Variants in SAMD3 observed in about 807,000 individuals in gnomAD.
The protein encoded by SAMD3 is sterile alpha motif domain containing 3.
In SAMD3, 63 loss-of-function variants were observed where a neutral mutation model predicts 58.5. The observed-to-expected ratio is 1.08, with a 90% CI of 0.88 to 1.33. SAMD3 has a LOEUF of 1.33. SAMD3 is among the 40% of genes most tolerant of loss of function. SAMD3 has a pLI of 0.00. For synonymous variants in SAMD3, 220 were observed against 210.3 expected, an observed-to-expected ratio of 1.05 and a Z score of -0.40; for missense variants, 604 against 608.4, an observed-to-expected ratio of 0.99 and a Z score of 0.08.
At chr6:130,278,097 G>A (rs531788302) in intron 2 of SAMD3, among the ~76,000 whole-genome samples, 11 of 152,274 alleles carry the variant, frequency 7.2e-5, no homozygotes, top group African/African-American at 2.4e-4. Context: ...TAAGAGCAGT[G>A]CTTGAGATAG....
At chr6:130,207,748 A>G (rs1795205057) in intron 5 of SAMD3, among the ~76,000 whole-genome samples, 1 of 152,216 alleles carries the variant, frequency 6.6e-6, no homozygotes, top group Non-Finnish European at 1.5e-5. Flanking sequence ...ATAGCCTTCC[A>G]CCTTCTTGGT....
At chr6:130,241,070 A>T (rs1249632528) in intron 2 of SAMD3, among the ~76,000 whole-genome samples, 1 of 152,112 alleles carries the variant, frequency 6.6e-6, no homozygotes, top group Non-Finnish European at 1.5e-5. Flanking sequence ...TGGCCAAAGG[A>T]GGCAACAAGA....
chr6:130,146,229 A>G, intron 9 of SAMD3, 48 bp from the exon 10 acceptor site: 1 of 1,191,126 alleles, frequency 8.4e-7, no homozygotes, highest in Non-Finnish European at 1.1e-6. Context: ...AAGAAAAGCT[A>G]ATATATAGAA....
At chr6:130,247,666 A>G (rs1773597613) in intron 2 of SAMD3, among the ~76,000 whole-genome samples, 1 of 151,812 alleles carries the variant, frequency 6.6e-6, no homozygotes, top group Non-Finnish European at 1.5e-5. Context: ...CTGGTGCATA[A>G]GAGAACAAAG....
chr6:130,206,187 T>C (rs1057262522), intron 5 of SAMD3, among the ~76,000 whole-genome samples: 4 of 152,210 alleles, frequency 2.6e-5, no homozygotes, highest in African/African-American at 9.6e-5. Flanking sequence ...GGACACCTGA[T>C]TCACGCTGGG....
chr6:130,240,825 C>G (rs1773329997), intron 2 of SAMD3, among the ~76,000 whole-genome samples: 1 of 152,146 alleles, frequency 6.6e-6, no homozygotes, highest in African/African-American at 2.4e-5. Context: ...GTTCCTTGTT[C>G]TTAGACTTCC....
intron 1 of SAMD3, among the ~76,000 whole-genome samples, chr6:130,340,800 T>A (rs1417946344): frequency 6.6e-6 from 1 of 152,232 alleles, no homozygotes; most frequent in Non-Finnish European, 1.5e-5. Flanking sequence ...AACACCTTAG[T>A]GTGAGATTTC....
chr6:130,344,942 A>G (rs934269626), intron 1 of SAMD3, among the ~76,000 whole-genome samples: 1 of 139,396 alleles, frequency 7.2e-6, no homozygotes, highest in Non-Finnish European at 1.5e-5. Flanking sequence ...ACCCCCCTCC[A>G]TCTCCTCTAC....
intron 2 of SAMD3, among the ~76,000 whole-genome samples, chr6:130,286,687 T>C (rs1025317078): frequency 5.6e-4 from 78 of 138,512 alleles, no homozygotes; most frequent in African/African-American, 1.8e-3. Context: ...TTCTCCAAAA[T>C]TAATTTATCC....
chr6:130,208,139 C>T (rs144492703), intron 5 of SAMD3, among the ~76,000 whole-genome samples: 13 of 152,342 alleles, frequency 8.5e-5, no homozygotes, highest in Admixed American at 1.3e-4. Flanking sequence ...TGCAGTACTG[C>T]TCTGTGGGCA....
chr6:130,256,104 T>C (rs1773919490), intron 2 of SAMD3, among the ~76,000 whole-genome samples: 1 of 150,316 alleles, frequency 6.7e-6, no homozygotes, highest in Non-Finnish European at 1.5e-5. Flanking sequence ...AGTATAGACT[T>C]TTGCCATTCT....
chr6:130,205,365 G>A (rs1031918085), intron 5 of SAMD3, among the ~76,000 whole-genome samples: 15 of 152,004 alleles, frequency 9.9e-5, no homozygotes, highest in African/African-American at 3.4e-4. Flanking sequence ...GTGCAATGGA[G>A]TGATCTCAGC....
intron 7 of SAMD3, among the ~76,000 whole-genome samples, chr6:130,182,597 A>G (rs1311022485): frequency 1.3e-5 from 2 of 150,274 alleles, no homozygotes; most frequent in East Asian, 3.9e-4. Context: ...ACAAATAAGG[A>G]AGGAAGAAAG....
At chr6:130,204,472 C>T (rs142115200) in intron 5 of SAMD3, among the ~76,000 whole-genome samples, 2,077 of 152,092 alleles carry the variant, frequency 0.014, 18 homozygotes, top group Non-Finnish European at 0.021. Context: ...CAGTGTGTGG[C>T]AGTGCATGCC....
chr6:130,164,949 T>G (rs80111765), intron 8 of SAMD3, among the ~76,000 whole-genome samples: 2 of 152,020 alleles, frequency 1.3e-5, no homozygotes, highest in Non-Finnish European at 2.9e-5. Context: ...AATTATAAAC[T>G]TATATACACC....
chr6:130,224,938 T>A (rs1796346782), upstream of SAMD3, among the ~76,000 whole-genome samples: 1 of 152,068 alleles, frequency 6.6e-6, no homozygotes, highest in South Asian at 2.1e-4. Flanking sequence ...TTTTTAGAGT[T>A]GGCCCAAAAG....
At chr6:130,218,069 T>C (rs973991835) in intron 1 of SAMD3, among the ~76,000 whole-genome samples, 21 of 152,198 alleles carry the variant, frequency 1.4e-4, no homozygotes, top group African/African-American at 4.8e-4. Context: ...GGTGATAGTG[T>C]TGTAGGACTC....
In SAMD3 at chr6:130,344,821, A is replaced by G. The variant is rs13210150; in HGVS notation, c.-304+20299T>C. 1.5e-4 allele frequency among the ~76,000 whole-genome samples: 20 copies of G among 131,364 alleles called. 1 individual carries two copies. Among genetic ancestry groups the G allele is most frequent in the South Asian group, 2.9e-4 (1 of 3,448 alleles). The allele number at this position is 131,364 out of a possible 152,430, so 86.2% of individuals were successfully genotyped here. A position where few individuals can be genotyped will look rare whatever the true frequency, so the allele number is the denominator to read the frequency against. Reference sequence around the variant, plus strand: ...GGGAAAGGAAGCAGAAAGAACAACAACAGCAAAAAAAAAAAAAAAAAAAAA... The same window carrying G: ...GGGAAAGGAAGCAGAAAGAACAACAGCAGCAAAAAAAAAAAAAAAAAAAAA... On this transcript the variant is annotated intron_variant, in intron 1 of 13. Transcript: ENST00000368134.
chr6:130,360,298 G>A (rs117685348), intron 1 of SAMD3, among the ~76,000 whole-genome samples: 2,800 of 152,282 alleles, frequency 0.018, 24 homozygotes, highest in Non-Finnish European at 0.027. Flanking sequence ...TGAAAGTATC[G>A]GGGAACCTGC....
Sources: allele counts gnomAD v4.1 joint callset (sites outside exome capture counted in the v4.1 genomes callset), GRCh38; gene constraint gnomAD v4.1.1; transcripts MANE v1.5; gene names NCBI Gene and HGNC (gene_info 2026-07-23, HGNC 2026-07-21).